CPNE4: variants seen among roughly 807,000 people sequenced by gnomAD.
The protein encoded by CPNE4 is copine-4.
CPNE4 carries 25 observed loss-of-function variants against 67.9 expected under a neutral mutation model. The ratio of observed to expected loss-of-function variants is 0.37; its 90% CI spans 0.27 to 0.51. The LOEUF (loss-of-function observed/expected upper bound fraction) is 0.51. CPNE4 is among the 20% of genes least tolerant of loss of function. The pLI, the probability that CPNE4 is intolerant of heterozygous loss-of-function variation, is 0.93. For missense variants in CPNE4, 464 were observed against 690.8 expected, an observed-to-expected ratio of 0.67 and a Z score of 3.68; for synonymous variants, 242 against 244.9, an observed-to-expected ratio of 0.99 and a Z score of 0.11.
At chr3:131,824,687 GA>G (rs1350269562) in intron 2 of CPNE4, among the ~76,000 whole-genome samples, 1 of 152,112 alleles carries the variant, frequency 6.6e-6, no homozygotes, top group Non-Finnish European at 1.5e-5. Context: ...ATCCTTTCAG[GA>G]GAAAAGTTAG....
chr3:131,777,145 G>T (rs1378837329), intron 2 of CPNE4, among the ~76,000 whole-genome samples: 1 of 152,024 alleles, frequency 6.6e-6, no homozygotes, highest in East Asian at 1.9e-4. Flanking sequence ...TTCCTGAAAG[G>T]GGCGTTATCT....
chr3:131,542,688 C>T lies in CPNE4; in HGVS notation c.1408G>A (p.Val470Met), dbSNP rs1185355534. Residue 470 changes from valine (V) to methionine (M), a missense_variant, in exon 15 of 16, where the codon GTG becomes ATG. Coordinates refer to ENST00000429747, the MANE Select transcript of CPNE4 (RefSeq NM_130808.3). ...CTGAAGTCAGCGTTCCCTACTCCCA[C>T]GATGATGACTGACATGGGGAGGTGG... The part of the protein sequence containing the change: ...ASHLPMSVII[V>M]GVGNADFSDM... 7.4e-6 allele frequency: 12 copies of T among 1,614,034 alleles called. No homozygotes were observed. The highest frequency in any genetic ancestry group is 1.0e-5 in the Non-Finnish European group (12 of 1,179,958).
At chr3:131,657,942 C>A (rs1159441586) in intron 7 of CPNE4, among the ~76,000 whole-genome samples, 1 of 152,084 alleles carries the variant, frequency 6.6e-6, no homozygotes, top group Non-Finnish European at 1.5e-5. Context: ...TCAGTCACAA[C>A]TGCTGACCAG....
chr3:131,693,353 T>C (rs980899842), intron 5 of CPNE4, among the ~76,000 whole-genome samples: 3 of 152,196 alleles, frequency 2.0e-5, no homozygotes, highest in Non-Finnish European at 2.9e-5. Context: ...TGTTAAAATA[T>C]TGGTTACATT....
At chr3:131,657,465 G>T (rs115374285) in intron 7 of CPNE4, among the ~76,000 whole-genome samples, 1 of 151,648 alleles carries the variant, frequency 6.6e-6, no homozygotes, top group Non-Finnish European at 1.5e-5. Context: ...ATATACTGTG[G>T]CTCACCTCAG....
chr3:131,580,278 A>G (rs994569766), intron 9 of CPNE4, among the ~76,000 whole-genome samples: 1 of 152,208 alleles, frequency 6.6e-6, no homozygotes, highest in African/African-American at 2.4e-5. Context: ...AATAGACTAC[A>G]GTATAGTGTA....
At chr3:131,939,221 G>T (rs1288130321) in intron 1 of CPNE4, among the ~76,000 whole-genome samples, 1 of 152,038 alleles carries the variant, frequency 6.6e-6, no homozygotes, top group Non-Finnish European at 1.5e-5. Context: ...TGGAGAGTTG[G>T]TTAAATAAGG....
intron 2 of CPNE4, among the ~76,000 whole-genome samples, chr3:131,794,169 C>A (rs1033057707): frequency 2.0e-5 from 3 of 151,992 alleles, no homozygotes; most frequent in Non-Finnish European, 4.4e-5. Context: ...ACATACAGAC[C>A]TTTATGATCA....
At chr3:131,589,352 A>T (rs1252313433) in intron 7 of CPNE4, among the ~76,000 whole-genome samples, 2 of 152,234 alleles carry the variant, frequency 1.3e-5, no homozygotes, top group Admixed American at 6.5e-5. Context: ...AAGGGCAGAA[A>T]GAGTGGAAGG....
chr3:131,942,093 A>G (rs2071404152), intron 1 of CPNE4, among the ~76,000 whole-genome samples: 1 of 152,106 alleles, frequency 6.6e-6, no homozygotes, highest in Admixed American at 6.6e-5. Flanking sequence ...GTAAAACATA[A>G]AATAACTCCA....
chr3:131,750,327 C>T (rs182003020), intron 2 of CPNE4, among the ~76,000 whole-genome samples: 5 of 152,120 alleles, frequency 3.3e-5, no homozygotes, highest in Non-Finnish European at 7.4e-5. Flanking sequence ...TTGTAATTAT[C>T]GATATGGTAG....
intron 1 of CPNE4, among the ~76,000 whole-genome samples, chr3:132,005,318 T>TAC: frequency 3.8e-5 from 1 of 26,254 alleles, no homozygotes; most frequent in Admixed American, 2.7e-4. Context: ...TTTTTACATA[T>TAC]ATATATATAT....
At chr3:131,771,775 C>A (rs537966449) in intron 2 of CPNE4, among the ~76,000 whole-genome samples, 1 of 152,230 alleles carries the variant, frequency 6.6e-6, no homozygotes, top group Non-Finnish European at 1.5e-5. Context: ...GCAGAATCCA[C>A]ATTGATTTTT....
intron 5 of CPNE4, among the ~76,000 whole-genome samples, chr3:131,695,813 A>G (rs1450029445): frequency 1.3e-5 from 2 of 152,228 alleles, no homozygotes; most frequent in Non-Finnish European, 1.5e-5. Context: ...AGGATAAAGT[A>G]TTTCCTGATG....
intron 7 of CPNE4, among the ~76,000 whole-genome samples, chr3:131,605,434 A>G (rs1939446591): frequency 6.6e-6 from 1 of 152,032 alleles, no homozygotes; most frequent in Non-Finnish European, 1.5e-5. Context: ...TTCCCATCTT[A>G]TAATCTATGT....
chr3:131,759,480 T>C (rs10512823), intron 2 of CPNE4, among the ~76,000 whole-genome samples: 12,788 of 152,092 alleles, frequency 0.084, 593 homozygotes, highest in South Asian at 0.15. Flanking sequence ...TAAAGTGGAG[T>C]TCCTAATACT....
intron 2 of CPNE4, among the ~76,000 whole-genome samples, chr3:131,796,773 C>T (rs1417187799): frequency 6.6e-6 from 1 of 152,122 alleles, no homozygotes; most frequent in Admixed American, 6.5e-5. Context: ...GAACAGAAAC[C>T]TCCCACTCAA....
At position 131,849,350 on chromosome 3, in the gene CPNE4, C is replaced by T. The variant is rs185285472; in HGVS notation, c.180+55914G>A. Among the ~76,000 whole-genome samples the T allele has an allele frequency of 1.8e-3, 268 of 152,118 alleles. 2 individuals are homozygous for T. The highest frequency in any genetic ancestry group is 3.3e-3 in the Non-Finnish European group (222 of 67,976). On this transcript the variant is annotated intron_variant, in intron 2 of 15. Coordinates refer to ENST00000429747, the MANE Select transcript of CPNE4 (RefSeq NM_130808.3). ...TTGGCTCACAGTTCTTCAGGCTTTA[C>T]AGTAAGCATGGCTGGAGAGGCCTCA...
intron 2 of CPNE4, among the ~76,000 whole-genome samples, chr3:131,819,878 G>A (rs1221913689): frequency 2.0e-5 from 3 of 152,092 alleles, no homozygotes; most frequent in African/African-American, 7.2e-5. Flanking sequence ...TGCCCAAAGC[G>A]CAGGGCCCAG....
Sources: allele counts gnomAD v4.1 joint callset (sites outside exome capture counted in the v4.1 genomes callset), GRCh38; gene constraint gnomAD v4.1.1; transcripts MANE v1.5; gene names NCBI Gene and HGNC (gene_info 2026-07-23, HGNC 2026-07-21).